The following OR2C1 variants were observed in gnomAD, a reference collection of about 807,000 sequenced individuals.
OR2C1 encodes olfactory receptor 2C1.
For missense variants in OR2C1, 468 were observed against 388.3 expected, an observed-to-expected ratio of 1.21 and a Z score of -1.73; for synonymous variants, 209 against 167.3, an observed-to-expected ratio of 1.25 and a Z score of -1.92.
At chr16:3,325,033 G>A in the OR2C1 span, among the ~76,000 whole-genome samples, 1 of 152,174 alleles carries the variant, frequency 6.6e-6, no homozygotes, top group Non-Finnish European at 1.5e-5. Context: ...CCAGACTGGA[G>A]TGCAATGGCA....
chr16:3,345,881 T>C, the OR2C1 span, among the ~76,000 whole-genome samples: 3 of 127,054 alleles, frequency 2.4e-5, no homozygotes, highest in African/African-American at 5.8e-5. Flanking sequence ...GCTTTCAGAC[T>C]GGAGTGCAGT....
chr16:3,339,589 T>G, the OR2C1 span, among the ~76,000 whole-genome samples: 1 of 152,140 alleles, frequency 6.6e-6, no homozygotes, highest in Non-Finnish European at 1.5e-5. Flanking sequence ...CACAAGTAGC[T>G]GGGACTACAG....
chr16:3,351,546 G>T (rs781399416), upstream of OR2C1, among the ~76,000 whole-genome samples: 8 of 152,072 alleles, frequency 5.3e-5, no homozygotes, highest in South Asian at 2.1e-4. Flanking sequence ...CAAGTCTCCC[G>T]TCTTGGCCAT....
chr16:3,347,669 A>C, the OR2C1 span, among the ~76,000 whole-genome samples: 1 of 152,086 alleles, frequency 6.6e-6, no homozygotes, highest in African/African-American at 2.4e-5. Context: ...TTGCTCTGCA[A>C]CTGGCTTTTA....
chr16:3,355,268 C>G (rs2030642502), upstream of OR2C1, among the ~76,000 whole-genome samples: 1 of 151,466 alleles, frequency 6.6e-6, no homozygotes, highest in Non-Finnish European at 1.5e-5. Context: ...CGAGACCAGC[C>G]TGGCCAACAT....
At chr16:3,326,208 C>T in the OR2C1 span, among the ~76,000 whole-genome samples, 8 of 152,156 alleles carry the variant, frequency 5.3e-5, no homozygotes, top group South Asian at 4.2e-4. Flanking sequence ...GGATTACAGG[C>T]GTGAGCCACC....
chr16:3,355,191 G>A (rs2030640742), upstream of OR2C1, among the ~76,000 whole-genome samples: 1 of 151,784 alleles, frequency 6.6e-6, no homozygotes, highest in African/African-American at 2.4e-5. Context: ...GGCCACGCAC[G>A]GTGGCTCACA....
the OR2C1 span, among the ~76,000 whole-genome samples, chr16:3,336,825 C>T: frequency 6.7e-6 from 1 of 150,314 alleles, no homozygotes; most frequent in Non-Finnish European, 1.5e-5. Flanking sequence ...TCTTCTTCTT[C>T]AGCCTCCCGC....
At chr16:3,334,822 CT>C in the OR2C1 span, among the ~76,000 whole-genome samples, 462 of 140,162 alleles carry the variant, frequency 3.3e-3, no homozygotes, top group Middle Eastern at 3.8e-3. Context: ...CCACTTTGTT[CT>C]TTTTTTTTTT....
the OR2C1 span, among the ~76,000 whole-genome samples, chr16:3,347,987 A>C: frequency 6.6e-6 from 1 of 152,214 alleles, no homozygotes; most frequent in Non-Finnish European, 1.5e-5. Flanking sequence ...TGATAGATGC[A>C]TATTTAGCAT....
the OR2C1 span, chr16:3,323,272 T>C: frequency 1.2e-6 from 1 of 840,840 alleles, no homozygotes; most frequent in East Asian, 2.4e-5. Flanking sequence ...ACTGTATTTT[T>C]GGTAGCATGA....
the OR2C1 span, among the ~76,000 whole-genome samples, chr16:3,333,894 A>G: frequency 6.6e-6 from 1 of 151,618 alleles, no homozygotes; most frequent in Non-Finnish European, 1.5e-5. Flanking sequence ...ACAGGGGGCT[A>G]GTTTTATTAT....
the OR2C1 span, chr16:3,323,458 T>C: frequency 1.4e-6 from 1 of 740,196 alleles, no homozygotes; most frequent in East Asian, 2.4e-5. Context: ...CCTTGGCTTG[T>C]CCATGTTTCA....
At chr16:3,343,442 C>T in the OR2C1 span, among the ~76,000 whole-genome samples, 1 of 152,104 alleles carries the variant, frequency 6.6e-6, no homozygotes, top group Non-Finnish European at 1.5e-5. Context: ...TACCTCAATA[C>T]ATTTTTCATT....
upstream of OR2C1, among the ~76,000 whole-genome samples, chr16:3,353,570 G>C (rs1416963026): frequency 6.6e-6 from 1 of 151,584 alleles, no homozygotes. Context: ...GGAGGCCAAG[G>C]TAGGCAGATA....
the OR2C1 span, among the ~76,000 whole-genome samples, chr16:3,350,459 T>C: frequency 6.6e-6 from 1 of 151,706 alleles, no homozygotes. Context: ...TCGCCCAGGC[T>C]GGAGTGCAGT....
the OR2C1 span, among the ~76,000 whole-genome samples, chr16:3,330,428 T>TTA: frequency 6.6e-6 from 1 of 152,152 alleles, no homozygotes; most frequent in African/African-American, 2.4e-5. Flanking sequence ...TTTTAAGACT[T>TTA]TTTCTAAAGC....
At chr16:3,333,210 CATTTTTT>C in the OR2C1 span, among the ~76,000 whole-genome samples, 224 of 33,004 alleles carry the variant, frequency 6.8e-3, 36 homozygotes, top group South Asian at 0.029. Flanking sequence ...ATCTTTTGCC[CATTTTTT>C]TTTTTTTTTT....
the OR2C1 span, among the ~76,000 whole-genome samples, chr16:3,328,844 C>T: frequency 3.3e-5 from 5 of 152,134 alleles, no homozygotes; most frequent in African/African-American, 7.2e-5. Flanking sequence ...TGTTGCCCCA[C>T]GCCCTGTCTA....
Sources: gnomAD v4.1 joint callset for allele counts (sites outside exome capture counted in the v4.1 genomes callset) on GRCh38, gnomAD v4.1.1 for gene constraint, MANE v1.5 for transcripts, NCBI Gene and HGNC (gene_info 2026-07-23, HGNC 2026-07-21) for gene names.